The following MYBPHL variants were observed in gnomAD, a reference collection of about 807,000 sequenced individuals.
MYBPHL encodes the protein myosin-binding protein H-like.
MYBPHL carries 32 observed loss-of-function variants against 39.5 expected under a neutral mutation model. The ratio of observed to expected loss-of-function variants is 0.81; its 90% CI spans 0.61 to 1.09. MYBPHL has a LOEUF of 1.09. Among genes scored for constraint, MYBPHL ranks in the 50% least tolerant of loss-of-function variants. The pLI is 0.00. For missense variants in MYBPHL, 456 were observed against 460.2 expected (o/e 0.99, Z 0.08); for synonymous variants, 196 against 183.7 (o/e 1.07, Z -0.54).
intron 1 of MYBPHL, among the ~76,000 whole-genome samples, chr1:109,300,183 T>C (rs1658231883): frequency 6.6e-6 from 1 of 152,136 alleles, no homozygotes; most frequent in Admixed American, 6.5e-5. Flanking sequence ...GCAAGAGGGC[T>C]CCGAGAAAGA....
At chr1:109,295,375 G>T in intron 6 of MYBPHL, 78 bp from the exon 7 acceptor site, 3 of 1,361,014 alleles carry the variant, frequency 2.2e-6, no homozygotes, top group South Asian at 1.3e-5. Context: ...CAGTTTCTGG[G>T]ACTCTGTCTA....
Position 109,297,884 on chromosome 1 carries a change from C to G in MYBPHL, c.235-267G>C, listed in dbSNP as rs867351939. ...GGGGCAGCTGGGACCAATTGAATAG[C>G]CACTCAAACTCCCAAGAACCCTTCT... On this transcript the variant is annotated intron_variant, in intron 2 of 8. Coordinates refer to ENST00000357155, the MANE Select transcript of MYBPHL (RefSeq NM_001010985.3). 2.6e-5 allele frequency among the ~76,000 whole-genome samples: 4 copies of G among 152,304 alleles called. 1 individual carries two copies. In the South Asian group the frequency reaches 8.3e-4, roughly 32 times the overall value.
chr1:109,306,142 C>T (rs894417089), intron 1 of MYBPHL, among the ~76,000 whole-genome samples: 4 of 152,174 alleles, frequency 2.6e-5, no homozygotes, highest in African/African-American at 9.7e-5. Flanking sequence ...TTCAGGTGAG[C>T]GCCACGAAGT....
intron 2 of MYBPHL, 146 bp from the exon 3 acceptor site, chr1:109,297,763 C>A (rs1041681455): frequency 4.4e-6 from 3 of 677,938 alleles, no homozygotes; most frequent in African/African-American, 3.6e-5. Context: ...TGGACCCTCC[C>A]GGGGGCCTCC....
intron 1 of MYBPHL, among the ~76,000 whole-genome samples, chr1:109,306,505 T>C (rs1352208036): frequency 6.6e-6 from 1 of 152,142 alleles, no homozygotes. Context: ...CTCAGTCCCT[T>C]CCTGACTGGC....
intron 1 of MYBPHL, among the ~76,000 whole-genome samples, chr1:109,299,943 G>A (rs922062748): frequency 3.3e-5 from 5 of 152,230 alleles, no homozygotes; most frequent in Admixed American, 2.6e-4. Context: ...AGTTGAAGAC[G>A]GGCGGATATG....
intron 1 of MYBPHL, among the ~76,000 whole-genome samples, chr1:109,299,121 G>A (rs55862462): frequency 4.8e-4 from 73 of 152,298 alleles, no homozygotes; most frequent in Admixed American, 9.8e-4. Context: ...GCGTTCCCTC[G>A]GGGGCCTGGC....
In MYBPHL at chr1:109,295,259, T is replaced by G. The variant is rs1342760665; in HGVS notation, c.906A>C (p.Gln302His). The change falls in exon 7 of 9, where the codon CAA becomes CAC. Residue 302 changes from glutamine (Q) to histidine (H), a missense_variant. Coordinates refer to ENST00000357155, the MANE Select transcript of MYBPHL (RefSeq NM_001010985.3). ...TCAGGGCTCTGTACTTAGGGTTGCC[T>G]TGGATATCCATCTTGTTCTTCAGCC... ...IIWLKNKMDI[Q>H]GNPKYRALTH... 1 of 1,613,938 alleles carries G rather than the reference T, an allele frequency of 6.2e-7. No individual in the cohort carries two copies. Among genetic ancestry groups the G allele is most frequent in the African/African-American group, 1.3e-5 (1 of 74,906 alleles).
At position 109,294,319 on chromosome 1, in the gene MYBPHL, T is replaced by C. The variant is rs55945826; in HGVS notation, c.1055-70A>G. The C allele has an allele frequency of 5.3e-3, 7,597 of 1,427,912 alleles. 37 individuals are homozygous for C. The highest frequency in any genetic ancestry group is 6.6e-3 in the Non-Finnish European group (6,633 of 1,011,012). 88.5% of individuals were successfully genotyped at this position (1,427,912 alleles called of 1,614,324 possible). ...TCTGAGAAACTTTCTTTCAGAGCAT[T>C]AGAAAGGAATATTCTATTTCAGGTT... On this transcript the variant is annotated intron_variant, in intron 7 of 8. Coordinates refer to ENST00000357155, the MANE Select transcript of MYBPHL (RefSeq NM_001010985.3).
At chr1:109,305,513 G>C (rs2101493294) in intron 1 of MYBPHL, among the ~76,000 whole-genome samples, 1 of 152,306 alleles carries the variant, frequency 6.6e-6, no homozygotes, top group Non-Finnish European at 1.5e-5. Context: ...TGGGGGAGAT[G>C]AGCACTCTCC....
rs1417102373 is a variant in MYBPHL, at chr1:109,297,128, C to T, written c.492G>A (p.Leu164=). ...LVDVWGFSAT[L]EWTPPQDTGN... ...CCGTATCTTGGGGCGGTGTCCATTC[C>T]AGTGTAGCGCTGAAGCCCCAAACGT... is the stretch of plus-strand genomic sequence containing the variant. The change falls in exon 4 of 9, where the codon CTG becomes CTA. Residue 164 remains leucine (L), a synonymous_variant. Transcript: ENST00000357155. The T allele has an allele frequency of 5.6e-6, 9 of 1,614,056 alleles. No homozygotes were observed. The highest frequency in any genetic ancestry group is 7.6e-6 in the Non-Finnish European group (9 of 1,180,042).
chr1:109,292,632 A>T (rs1557759980), intron 8 of MYBPHL, 44 bp from the exon 9 acceptor site: 1 of 152,274 alleles, frequency 6.6e-6, no homozygotes, highest in South Asian at 2.1e-4. Flanking sequence ...CACAAGTATC[A>T]TTAACACAGA....
chr1:109,302,657 C>T (rs774164641), intron 1 of MYBPHL, among the ~76,000 whole-genome samples: 1 of 152,182 alleles, frequency 6.6e-6, no homozygotes, highest in Non-Finnish European at 1.5e-5. Context: ...TGGCCCACCA[C>T]TCCTCCAATA....
chr1:109,306,809 A>G, intron 1 of MYBPHL, 38 bp downstream of exon 1: 4 of 1,520,070 alleles, frequency 2.6e-6, no homozygotes, highest in Non-Finnish European at 3.5e-6. Flanking sequence ...AACTCCCACC[A>G]CCCGGCCTCC....
At chr1:109,304,421 T>C (rs1004895698) in intron 1 of MYBPHL, among the ~76,000 whole-genome samples, 4 of 152,222 alleles carry the variant, frequency 2.6e-5, no homozygotes, top group African/African-American at 9.6e-5. Flanking sequence ...GGAGCGATGA[T>C]GCTGAAGTCA....
At chr1:109,297,234 G>A (rs564904212) in intron 3 of MYBPHL, 45 bp from the exon 4 acceptor site, 2 of 1,613,742 alleles carry the variant, frequency 1.2e-6, no homozygotes. Context: ...CATCCCACAT[G>A]CATTGAAGTC....
intron 2 of MYBPHL, among the ~76,000 whole-genome samples, 166 bp from the exon 3 acceptor site, chr1:109,297,783 C>G (rs945159805): frequency 6.6e-6 from 1 of 152,194 alleles, no homozygotes; most frequent in Non-Finnish European, 1.5e-5. Flanking sequence ...CTCCTTTCAG[C>G]AACAGCCTAA....
In MYBPHL at chr1:109,296,252, A is replaced by G. The variant is rs778583394; in HGVS notation, c.849T>C (p.Cys283=). The G allele has an allele frequency of 8.7e-6, 14 of 1,613,700 alleles. No homozygotes were observed. The African/African-American group carries it at 1.3e-4, about 15-fold the overall frequency. The part of the protein sequence containing the change: ...VTGYNTQLFC[C]VRASPRPKII... ...CACTCACCCGGGGAGAGGCGCGGAC[A>G]CAGCAGAAGAGCTGGGTATTATAGC... is the stretch of plus-strand genomic sequence containing the variant. Residue 283 remains cysteine, a synonymous_variant, in exon 6 of 9, where the codon TGT becomes TGC. Coordinates refer to ENST00000357155, the MANE Select transcript of MYBPHL (RefSeq NM_001010985.3).
Position 109,296,883 on chromosome 1 carries a change from GA to G in MYBPHL, c.629del (p.Ile210ThrfsTer86), listed in dbSNP as rs1191918588. On this transcript the variant is annotated frameshift_variant, in exon 5 of 9. Transcript: ENST00000357155. LOFTEE classifies it high-confidence loss of function. ...HRTSCIVSDL[I>X]IGNSYAFRVF... ...CACGGAAGGCATAGGAGTTGCCGATGATGAGGTCAGAGACGATGCAGCTGGT... is the reference window on the plus strand; with the variant it reads ...CACGGAAGGCATAGGAGTTGCCGATGTGAGGTCAGAGACGATGCAGCTGGT... 1.2e-6 allele frequency: 2 copies of G among 1,614,060 alleles called. No homozygotes were observed. Among genetic ancestry groups the G allele is most frequent in the Admixed American group, 3.3e-5 (2 of 60,002 alleles).
Sources: allele counts gnomAD v4.1 joint callset (sites outside exome capture counted in the v4.1 genomes callset), GRCh38; gene constraint gnomAD v4.1.1; transcripts MANE v1.5; gene names NCBI Gene and HGNC (gene_info 2026-07-23, HGNC 2026-07-21).